AGBL4: variants seen among roughly 807,000 people sequenced by gnomAD.
AGBL4 encodes cytosolic carboxypeptidase 6.
Under a neutral mutation model 66.4 loss-of-function variants are expected in AGBL4, and 58 were observed. That is an observed-to-expected ratio of 0.87 (90% CI 0.71 to 1.09). AGBL4 has a LOEUF of 1.09. AGBL4 is among the 50% of genes least tolerant of loss of function. The pLI is 0.00. For synonymous variants in AGBL4, 234 were observed against 222.9 expected, an observed-to-expected ratio of 1.05 and a Z score of -0.44; for missense variants, 579 against 631.0, an observed-to-expected ratio of 0.92 and a Z score of 0.88.
intron 2 of AGBL4, among the ~76,000 whole-genome samples, chr1:49,810,485 G>C (rs1327536262): frequency 6.6e-6 from 1 of 152,084 alleles, no homozygotes; most frequent in African/African-American, 2.4e-5. Flanking sequence ...AATGGCATTT[G>C]AAATAGATCT....
chr1:49,296,161 G>A (rs1644639303), intron 3 of AGBL4, among the ~76,000 whole-genome samples: 1 of 152,212 alleles, frequency 6.6e-6, no homozygotes, highest in Non-Finnish European at 1.5e-5. Flanking sequence ...AATGCCTACT[G>A]TTAGGCATTC....
chr1:49,400,864 A>T (rs1248979485), intron 3 of AGBL4, among the ~76,000 whole-genome samples: 1 of 151,928 alleles, frequency 6.6e-6, no homozygotes, highest in African/African-American at 2.4e-5. Flanking sequence ...CTTTTGTCTG[A>T]TTTCTCTAGC....
At chr1:49,090,804 A>C (rs1644989456) in intron 4 of AGBL4, among the ~76,000 whole-genome samples, 1 of 152,208 alleles carries the variant, frequency 6.6e-6, no homozygotes, top group Non-Finnish European at 1.5e-5. Flanking sequence ...AAAGGAACAA[A>C]GCTGGAGGCA....
At chr1:48,851,667 A>G (rs920991237) in intron 6 of AGBL4, among the ~76,000 whole-genome samples, 3 of 152,348 alleles carry the variant, frequency 2.0e-5, no homozygotes, top group Non-Finnish European at 2.9e-5. Context: ...AGTTTTCTGT[A>G]TAATCTTTAC....
intron 5 of AGBL4, among the ~76,000 whole-genome samples, chr1:48,943,403 G>C (rs1356594257): frequency 1.3e-5 from 2 of 152,288 alleles, no homozygotes; most frequent in South Asian, 4.1e-4. Flanking sequence ...AGATAAAAAT[G>C]GTGGGTACAT....
intron 1 of AGBL4, among the ~76,000 whole-genome samples, chr1:49,886,316 A>G (rs1343265553): frequency 1.3e-5 from 2 of 152,166 alleles, no homozygotes; most frequent in African/African-American, 4.8e-5. Flanking sequence ...CCTGGAGAGC[A>G]TGCCACCTGA....
intron 6 of AGBL4, among the ~76,000 whole-genome samples, chr1:48,689,935 TGGA>T (rs1646602416): frequency 3.9e-5 from 6 of 152,326 alleles, no homozygotes; most frequent in African/African-American, 1.2e-4. Context: ...ACTCCTGTTG[TGGA>T]GGAGAGGTGA....
chr1:48,585,224 G>C (rs894986714), intron 11 of AGBL4: 1 of 152,186 alleles, frequency 6.6e-6, no homozygotes, highest in African/African-American at 2.4e-5. Context: ...AGAAAAGGTA[G>C]GAGAGCCTGT....
chr1:49,335,155 T>C (rs2148496691), intron 3 of AGBL4, among the ~76,000 whole-genome samples: 1 of 152,298 alleles, frequency 6.6e-6, no homozygotes, highest in Non-Finnish European at 1.5e-5. Context: ...CCCACAGCCT[T>C]CTCCATTTCA....
At chr1:48,907,581 C>T (rs1285968449) in intron 5 of AGBL4, among the ~76,000 whole-genome samples, 9 of 152,142 alleles carry the variant, frequency 5.9e-5, no homozygotes, top group African/African-American at 2.4e-5. Flanking sequence ...CTCTAGCCTA[C>T]GCAATTCATC....
intron 2 of AGBL4, among the ~76,000 whole-genome samples, chr1:49,747,582 T>G (rs973160553): frequency 3.9e-5 from 6 of 152,196 alleles, no homozygotes; most frequent in Admixed American, 6.5e-5. Flanking sequence ...CTGTATTTAA[T>G]AGCATTTGAT....
chr1:49,009,907 C>A (rs1662246345), intron 5 of AGBL4, among the ~76,000 whole-genome samples: 3 of 151,938 alleles, frequency 2.0e-5, no homozygotes, highest in South Asian at 2.1e-4. Context: ...CTATGACAAA[C>A]CCACAGCCAA....
At chr1:48,682,701 G>A (rs1340028355) in intron 6 of AGBL4, among the ~76,000 whole-genome samples, 1 of 152,174 alleles carries the variant, frequency 6.6e-6, no homozygotes, top group Admixed American at 6.5e-5. Flanking sequence ...CCAACATAGG[G>A]AAATCTCAGA....
chr1:48,524,804 C>T, the AGBL4 span, among the ~76,000 whole-genome samples: 3 of 151,490 alleles, frequency 2.0e-5, no homozygotes, highest in African/African-American at 7.2e-5. Context: ...ACATCATAGT[C>T]AATTTATCTC....
chr1:48,963,445 T>A (rs1402637384), intron 5 of AGBL4, among the ~76,000 whole-genome samples: 1 of 151,916 alleles, frequency 6.6e-6, no homozygotes, highest in African/African-American at 2.4e-5. Context: ...AAAACACAGA[T>A]AATTAATCCA....
At chr1:49,441,091 C>T (rs985775195) in intron 3 of AGBL4, among the ~76,000 whole-genome samples, 7 of 152,124 alleles carry the variant, frequency 4.6e-5, no homozygotes, top group African/African-American at 1.4e-4. Flanking sequence ...GCCCCCCGCC[C>T]GCCACAACAC....
chr1:48,552,334 T>C (rs1279341884), intron 11 of AGBL4, among the ~76,000 whole-genome samples: 1 of 152,198 alleles, frequency 6.6e-6, no homozygotes, highest in Admixed American at 6.5e-5. Flanking sequence ...AGTGCTAGGA[T>C]TACAGGCATG....
At chr1:48,772,760 A>C (rs181457350) in intron 6 of AGBL4, among the ~76,000 whole-genome samples, 1 of 152,228 alleles carries the variant, frequency 6.6e-6, no homozygotes. Context: ...GACTGCTTCA[A>C]TAGTTTAGAT....
At chr1:49,167,519 T>A (rs2148154168) in intron 4 of AGBL4, among the ~76,000 whole-genome samples, 1 of 152,356 alleles carries the variant, frequency 6.6e-6, no homozygotes, top group South Asian at 2.1e-4. Flanking sequence ...GCCTAGGTCT[T>A]TGAGCTCTAT....
Sources: gnomAD v4.1 joint callset for allele counts (sites outside exome capture counted in the v4.1 genomes callset) on GRCh38, gnomAD v4.1.1 for gene constraint, MANE v1.5 for transcripts, NCBI Gene and HGNC (gene_info 2026-07-23, HGNC 2026-07-21) for gene names.